Variants in ZNF835 observed in about 807,000 individuals in gnomAD.
ZNF835 encodes the protein zinc finger protein 835.
For synonymous variants in ZNF835, 323 were observed against 324.7 expected (o/e 0.99, Z 0.06); for missense variants, 783 against 758.4 (o/e 1.03, Z -0.38).
rs908859400 is a variant in ZNF835, at chr19:56,665,084, C to T, written c.115G>A (p.Ala39Thr). The T allele has an allele frequency of 2.5e-6, 4 of 1,614,026 alleles. No individual in the cohort carries two copies. The highest frequency in any genetic ancestry group is 3.4e-6 in the Non-Finnish European group (4 of 1,179,890). The change falls in exon 2 of 2, where the codon GCC (alanine) becomes ACC (threonine). Residue 39 changes from alanine (A) to threonine (T), a missense_variant. Transcript: ENST00000537055. ...GCAGGGTCTCCCTTGCAGGCCACGG[C>T]CTCTGGCTCTGGACAGCTTTCCTGG... is the stretch of plus-strand genomic sequence containing the variant. ...ENQESCPEPE[A>T]VACKGDPAGD...
intron 1 of ZNF835, among the ~76,000 whole-genome samples, chr19:56,666,701 C>T (rs570386050): frequency 2.6e-5 from 4 of 152,286 alleles, no homozygotes; most frequent in South Asian, 4.1e-4. Context: ...AGTGTGACAG[C>T]GTTTGATGTG....
chr19:56,663,700 G>A lies in ZNF835; in HGVS notation c.1499C>T (p.Ser500Leu), dbSNP rs376671798. The change falls in exon 2 of 2, where the codon TCG becomes TTG. Residue 500 changes from serine (S) to leucine (L), a missense_variant. By Grantham distance (145) the Ser-to-Leu change is moderately radical. Transcript: ENST00000537055. ...CGTGGGAGCTGGGCAAAGGCGTCCC[G>A]AACTGTCTGCATGCGTCCTCTGGTG... ...IRHQRTHADSSGRLCPAPTPD... is the reference protein window; with the variant it reads ...IRHQRTHADSLGRLCPAPTPD... 1 of 1,614,004 alleles carries A rather than the reference G, an allele frequency of 6.2e-7. No individual in the cohort carries two copies. The highest frequency in any genetic ancestry group is 1.3e-5 in the African/African-American group (1 of 75,066).
At position 56,663,325 on chromosome 19, in the gene ZNF835, A is replaced by G; in HGVS notation, c.*260T>C. ...CAGAGAGAGACACTGTCTCAAAGAA[A>G]AAAAGAAAGAAATTAAAGGCCAGCC... On this transcript the variant is annotated 3_prime_UTR_variant, in exon 2 of 2. Transcript: ENST00000537055. The G allele has an allele frequency of 1.8e-6, 1 of 544,920 alleles. No homozygotes were observed. The highest frequency in any genetic ancestry group is 3.3e-6 in the Non-Finnish European group (1 of 307,340). The allele number at this position is 544,920 out of a possible 1,614,324, so 33.8% of individuals were successfully genotyped here.
In ZNF835 at chr19:56,664,691, C is replaced by A; in HGVS notation, c.508G>T (p.Glu170Ter). 1 of 1,608,902 alleles carries A rather than the reference C, an allele frequency of 6.2e-7. No individual in the cohort carries two copies. ...HTGEKPYACH[E>*]CGKAFSQGSY... ...CCCTGGCTGAAGGCCTTGCCGCACT[C>A]GTGGCAGGCGTAGGGCTTCTCGCCC... Residue 170 changes from glutamate (E) to a stop codon, truncating the protein, a stop_gained, in exon 2 of 2, where the codon GAG (glutamate) becomes TAG (stop). Transcript: ENST00000537055. LOFTEE classifies it low-confidence loss of function (END_TRUNC).
At chr19:56,670,767 T>C (rs2045282592) in intron 1 of ZNF835, among the ~76,000 whole-genome samples, 1 of 152,192 alleles carries the variant, frequency 6.6e-6, no homozygotes, top group Non-Finnish European at 1.5e-5. Context: ...CACGGCACTC[T>C]ACAGGCTCGC....
rs771783414 is a variant in ZNF835 at position 56,664,084 on chromosome 19, C to G, written c.1115G>C (p.Ser372Thr). ...YPCHDCGKRF[S>T]NRSHLLQHRL... ...GTGCTGGAGGAGGTGGGAGCGGTTG[C>G]TGAAGCGCTTGCCGCAGTCGTGGCA... The change falls in exon 2 of 2, where the codon AGC becomes ACC. Residue 372 changes from serine (S) to threonine (T), a missense_variant. Coordinates refer to ENST00000537055, the MANE Select transcript of ZNF835 (RefSeq NM_001005850.3). The G allele has an allele frequency of 7.2e-5, 115 of 1,599,684 alleles. No individual in the cohort carries two copies. The highest frequency in any genetic ancestry group is 1.7e-4 in the Middle Eastern group (1 of 6,026).
chr19:56,664,916 G>A lies in ZNF835; in HGVS notation c.283C>T (p.Pro95Ser). 6.2e-7 allele frequency: 1 copy of A among 1,613,928 alleles called. No homozygotes were observed. The highest frequency in any genetic ancestry group is 8.5e-7 in the Non-Finnish European group (1 of 1,179,888). Residue 95 changes from proline to serine, a missense_variant, in exon 2 of 2, where the codon CCT (proline) becomes TCT (serine). Physicochemically the swap from Pro to Ser is moderately conservative, Grantham distance 74 (BLOSUM62 -1). Coordinates refer to ENST00000537055, the MANE Select transcript of ZNF835 (RefSeq NM_001005850.3). ...APGESPKERHPDSRQRERGGG... is the reference protein window; with the variant it reads ...APGESPKERHSDSRQRERGGG... Reference sequence around the variant, plus strand: ...CCTCTCTCCCGCTGGCGGCTGTCAGGATGCCTCTCCTTCGGGCTCTCCCCA... The same window carrying A: ...CCTCTCTCCCGCTGGCGGCTGTCAGAATGCCTCTCCTTCGGGCTCTCCCCA...
Position 56,663,836 on chromosome 19 carries a change from A to G in ZNF835, c.1363T>C (p.Phe455Leu), listed in dbSNP as rs2045209338. 1 of 1,613,662 alleles carries G rather than the reference A, an allele frequency of 6.2e-7. No homozygotes were observed. Residue 455 changes from phenylalanine (F) to leucine (L), a missense_variant, in exon 2 of 2, where the codon TTC becomes CTC. Physicochemically the swap from Phe to Leu is conservative, Grantham distance 22. Transcript: ENST00000537055. ...TGGATCAGGTAGGAGCGGTTGCTGAAGGCCTTGCCGCACTCGGGGCAGGTG... is the reference window on the plus strand; with the variant it reads ...TGGATCAGGTAGGAGCGGTTGCTGAGGGCCTTGCCGCACTCGGGGCAGGTG... Reference protein sequence around the residue: ...PYTCPECGKAFSNRSYLIQHH... With the variant: ...PYTCPECGKALSNRSYLIQHH...
At chr19:56,666,579 GTGTTTATTGCTT>G (rs2045247719) in intron 1 of ZNF835, among the ~76,000 whole-genome samples, 1 of 152,220 alleles carries the variant, frequency 6.6e-6, no homozygotes. Flanking sequence ...GAAGAAATAA[GTGTTTATTGCTT>G]CAGCCACCTA....
Position 56,664,735 on chromosome 19 carries a change from A to G in ZNF835, c.464T>C (p.Leu155Pro), listed in dbSNP as rs1177357574. 1 of 1,610,262 alleles carries G rather than the reference A, an allele frequency of 6.2e-7. No individual in the cohort carries two copies. The highest frequency in any genetic ancestry group is 8.5e-7 in the Non-Finnish European group (1 of 1,178,038). ...CTCGCCCGTGTGCGTGCGCTGGTGCAGGGTCAGGTGCACGCTCTGGCTGAA... is the reference window on the plus strand; with the variant it reads ...CTCGCCCGTGTGCGTGCGCTGGTGCGGGGTCAGGTGCACGCTCTGGCTGAA... ...KAFSQSVHLT[L>P]HQRTHTGEKP... Residue 155 changes from leucine to proline, a missense_variant, in exon 2 of 2, where the codon CTG becomes CCG. Leu to Pro is a moderately conservative substitution (Grantham distance 98). Coordinates refer to ENST00000537055, the MANE Select transcript of ZNF835 (RefSeq NM_001005850.3).
intron 1 of ZNF835, among the ~76,000 whole-genome samples, chr19:56,670,732 G>A (rs542260171): frequency 6.6e-6 from 1 of 152,352 alleles, no homozygotes; most frequent in East Asian, 1.9e-4. Context: ...TCTCCATCAT[G>A]TGCAGATGCA....
rs2045295192 is a variant in ZNF835 at position 56,671,689 on chromosome 19, C to A, written c.-161G>T. On this transcript the variant is annotated 5_prime_UTR_variant, in exon 1 of 2. Coordinates refer to ENST00000537055, the MANE Select transcript of ZNF835 (RefSeq NM_001005850.3). Reference sequence around the variant, plus strand: ...CGGGTCCTCCTGGGCCAACGCAGACCCTGGTGCCTCCTTCCTTAGACGAGC... The same window carrying A: ...CGGGTCCTCCTGGGCCAACGCAGACACTGGTGCCTCCTTCCTTAGACGAGC... The A allele has an allele frequency of 1.3e-5, 2 of 152,236 alleles. No homozygotes were observed. The highest frequency in any genetic ancestry group is 4.8e-5 in the African/African-American group (2 of 41,382). The allele number at this position is 152,236 out of a possible 1,614,324, so 9.4% of individuals were successfully genotyped here.
At chr19:56,669,340 G>A (rs970075342) in intron 1 of ZNF835, among the ~76,000 whole-genome samples, 6 of 152,122 alleles carry the variant, frequency 3.9e-5, no homozygotes, top group Non-Finnish European at 8.8e-5. Flanking sequence ...GGGTGGTTAT[G>A]GGGGTTCCAT....
chr19:56,664,335 C>G lies in ZNF835; in HGVS notation c.864G>C (p.Ala288=). Residue 288 remains alanine (A), a synonymous_variant, in exon 2 of 2, where the codon GCG becomes GCC. Coordinates refer to ENST00000537055, the MANE Select transcript of ZNF835 (RefSeq NM_001005850.3). The part of the protein sequence containing the change: ...YRCGQCAKAF[A]QIAHLTQHRR... Reference sequence around the variant, plus strand: ...GGTGCTGGGTCAGGTGCGCGATCTGCGCGAAGGCCTTGGCGCACTGGCCGC... The same window carrying G: ...GGTGCTGGGTCAGGTGCGCGATCTGGGCGAAGGCCTTGGCGCACTGGCCGC... 6.3e-7 allele frequency: 1 copy of G among 1,595,638 alleles called. No homozygotes were observed. The highest frequency in any genetic ancestry group is 1.7e-4 in the Middle Eastern group (1 of 5,972).
chr19:56,668,934 G>A (rs2045267705), intron 1 of ZNF835, among the ~76,000 whole-genome samples: 1 of 152,012 alleles, frequency 6.6e-6, no homozygotes, highest in African/African-American at 2.4e-5. Flanking sequence ...TCACAGCGGG[G>A]TTGGGTAAAC....
chr19:56,669,093 C>G (rs1294794176), intron 1 of ZNF835, among the ~76,000 whole-genome samples: 1 of 152,174 alleles, frequency 6.6e-6, no homozygotes, highest in Non-Finnish European at 1.5e-5. Flanking sequence ...GACTGGGAGG[C>G]ACAGGCAGCT....
Position 56,663,625 on chromosome 19 carries a change from C to T in ZNF835, c.1574G>A (p.Gly525Glu). The T allele has an allele frequency of 1.2e-6, 2 of 1,614,002 alleles. No individual in the cohort carries two copies. The highest frequency in any genetic ancestry group is 1.1e-5 in the South Asian group (1 of 91,082). The change falls in exon 2 of 2, where the codon GGG becomes GAG. Residue 525 changes from glycine (G) to glutamate (E), a missense_variant. Physicochemically the swap from Gly to Glu is moderately conservative, Grantham distance 98. Transcript: ENST00000537055. ...TCCACGCGGGTTTCTGCCAGGGCAC[C>T]CCTGTTGACAGGTTTCTCCTCCCTG... ...LSQGGETCQQ[G>E]CPGRNPRGPA...
rs376671798 is a variant in ZNF835, at chr19:56,663,700, G to T, written c.1499C>A (p.Ser500Ter). 13 of 1,614,004 alleles carry T rather than the reference G, an allele frequency of 8.1e-6. No homozygotes were observed. Among genetic ancestry groups the T allele is most frequent in the Non-Finnish European group, 1.1e-5 (13 of 1,179,906 alleles). Reference protein sequence around the residue: ...IRHQRTHADSSGRLCPAPTPD... With the variant: ...IRHQRTHADS The stretch of plus-strand genomic sequence containing the variant: ...CGTGGGAGCTGGGCAAAGGCGTCCC[G>T]AACTGTCTGCATGCGTCCTCTGGTG... The change falls in exon 2 of 2, where the codon TCG (serine) becomes TAG (stop). Residue 500 changes from serine to a stop codon, truncating the protein, a stop_gained. Transcript: ENST00000537055. LOFTEE classifies it low-confidence loss of function (END_TRUNC).
At position 56,665,261 on chromosome 19, in the gene ZNF835, T is replaced by G; in HGVS notation, c.-47-16A>C. ...TTCTCTGGGTCTGAAAAGAAAAAGATAGAAAAAAAAATTAAATGTTGCCAC... is the reference window on the plus strand; with the variant it reads ...TTCTCTGGGTCTGAAAAGAAAAAGAGAGAAAAAAAAATTAAATGTTGCCAC... On this transcript the variant is annotated splice_polypyrimidine_tract_variant and intron_variant, in intron 1 of 1. Coordinates refer to ENST00000537055, the MANE Select transcript of ZNF835 (RefSeq NM_001005850.3). The G allele has an allele frequency of 6.3e-7, 1 of 1,592,834 alleles. No homozygotes were observed. The highest frequency in any genetic ancestry group is 1.1e-5 in the South Asian group (1 of 88,278).
Sources: allele counts gnomAD v4.1 joint callset (sites outside exome capture counted in the v4.1 genomes callset), GRCh38; gene constraint gnomAD v4.1.1; transcripts MANE v1.5; gene names NCBI Gene and HGNC (gene_info 2026-07-23, HGNC 2026-07-21).